The following PDE4B variants were observed in gnomAD, a reference collection of about 807,000 sequenced individuals.
The protein encoded by PDE4B is phosphodiesterase 4B.
PDE4B carries 20 observed loss-of-function variants against 82.2 expected under a neutral mutation model. The observed-to-expected ratio is 0.24, with a 90% CI of 0.17 to 0.35. PDE4B has a LOEUF of 0.35. Ranked by LOEUF, PDE4B falls within the 10% of genes least tolerant of loss-of-function variation. The pLI, the probability that PDE4B is intolerant of heterozygous loss-of-function variation, is 1.00. For synonymous variants in PDE4B, 320 were observed against 318.9 expected (o/e 1.00, Z -0.04); for missense variants, 655 against 907.2 (o/e 0.72, Z 3.57).
chr1:65,918,908 A>G (rs1647192155), intron 3 of PDE4B, 73 bp downstream of exon 3: 1 of 936,950 alleles, frequency 1.1e-6, no homozygotes, highest in African/African-American at 1.6e-5. Flanking sequence ...ATTTCATAGT[A>G]TTAAAATGTG....
intron 1 of PDE4B, among the ~76,000 whole-genome samples, chr1:65,901,935 A>G (rs925414012): frequency 1.3e-5 from 2 of 152,064 alleles, no homozygotes; most frequent in Admixed American, 1.3e-4. Context: ...GTTTAGCACT[A>G]TAAACTTTTA....
At chr1:66,186,227 G>T (rs1238335251) in intron 3 of PDE4B, among the ~76,000 whole-genome samples, 1 of 152,236 alleles carries the variant, frequency 6.6e-6, no homozygotes, top group African/African-American at 2.4e-5. Context: ...ATGCTGTTTT[G>T]GTTACTGTAG....
chr1:65,949,514 A>G (rs1648886310), intron 3 of PDE4B, among the ~76,000 whole-genome samples: 1 of 152,086 alleles, frequency 6.6e-6, no homozygotes, highest in Non-Finnish European at 1.5e-5. Context: ...ACTCCCTAAC[A>G]CAGCTGTATA....
In PDE4B at chr1:66,008,355, T is replaced by C. The variant is rs75482817; in HGVS notation, c.281+89520T>C. Among the ~76,000 whole-genome samples the C allele has an allele frequency of 3.1e-4, 47 of 152,270 alleles. 1 individual carries two copies. In the East Asian group the frequency reaches 6.4e-3, roughly 21 times the overall value. ...TCATTCATTAGCATTGTCAACCACC[T>C]GCTTGATTGTGCCCATTTCCTGCCT... On this transcript the variant is annotated intron_variant, in intron 3 of 16. Coordinates refer to ENST00000341517, the MANE Select transcript of PDE4B (RefSeq NM_002600.4).
intron 3 of PDE4B, among the ~76,000 whole-genome samples, chr1:66,129,337 C>G: frequency 6.6e-6 from 1 of 152,138 alleles, no homozygotes; most frequent in Non-Finnish European, 1.5e-5. Context: ...CTGCCCCTTA[C>G]GAAGTCTGTA....
chr1:66,319,675 T>C (rs1659265757), intron 7 of PDE4B, among the ~76,000 whole-genome samples: 1 of 152,174 alleles, frequency 6.6e-6, no homozygotes, highest in African/African-American at 2.4e-5. Context: ...CCAGAAGACA[T>C]GAAAATTCCC....
At chr1:65,971,108 T>C (rs1281985622) in intron 3 of PDE4B, among the ~76,000 whole-genome samples, 2 of 150,626 alleles carry the variant, frequency 1.3e-5, no homozygotes, top group Non-Finnish European at 3.0e-5. Flanking sequence ...TTCAGGAAAA[T>C]AAGTAATTGT....
intron 1 of PDE4B, among the ~76,000 whole-genome samples, chr1:65,805,750 A>G (rs1457526134): frequency 6.6e-6 from 1 of 152,090 alleles, no homozygotes; most frequent in Non-Finnish European, 1.5e-5. Context: ...GAATTCTAGG[A>G]AGCCATTTTA....
At chr1:65,972,547 G>A (rs999948631) in intron 3 of PDE4B, among the ~76,000 whole-genome samples, 1 of 152,126 alleles carries the variant, frequency 6.6e-6, no homozygotes, top group Non-Finnish European at 1.5e-5. Context: ...AGCTTTCTTT[G>A]ACGGAAAGTA....
rs553991801 is a variant in PDE4B, at chr1:66,361,073, A to T, written c.842-542A>T. 1.8e-4 allele frequency among the ~76,000 whole-genome samples: 28 copies of T among 152,304 alleles called. No individual in the cohort carries two copies. In the South Asian group the frequency reaches 5.6e-3, roughly 30 times the overall value. On this transcript the variant is annotated intron_variant, in intron 9 of 16. Transcript: ENST00000341517. ...ATTATGAACCATTTATATTTCTAAC[A>T]TATATACTGCTTATTTAAACTGAGC...
intron 2 of PDE4B, among the ~76,000 whole-genome samples, chr1:65,916,758 A>C (rs1569668960): frequency 6.6e-6 from 1 of 151,968 alleles, no homozygotes; most frequent in African/African-American, 2.4e-5. Context: ...ACACACACAC[A>C]TGCACACACA....
chr1:66,221,765 GC>G lies in PDE4B; in HGVS notation c.282-25692del, dbSNP rs1651007860. ...AATATTTTCTCCTTTTATCCCTCTG[GC>G]CCTCCCACCCTCTGTCATCACTCCT... On this transcript the variant is annotated intron_variant, in intron 3 of 16. Coordinates refer to ENST00000341517, the MANE Select transcript of PDE4B (RefSeq NM_002600.4). 2.0e-5 allele frequency among the ~76,000 whole-genome samples: 3 copies of G among 152,018 alleles called. No homozygotes were observed. In the South Asian group the frequency reaches 6.3e-4, roughly 32 times the overall value.
At chr1:66,037,854 C>A (rs1654151353) in intron 3 of PDE4B, among the ~76,000 whole-genome samples, 1 of 151,874 alleles carries the variant, frequency 6.6e-6, no homozygotes, top group South Asian at 2.1e-4. Flanking sequence ...GATTATGGAT[C>A]AAAAAATATT....
intron 3 of PDE4B, among the ~76,000 whole-genome samples, chr1:66,196,606 G>A (rs1206840928): frequency 1.3e-5 from 2 of 152,128 alleles, no homozygotes; most frequent in Non-Finnish European, 2.9e-5. Flanking sequence ...GAGAAAGTTT[G>A]TCACAAAAAA....
chr1:65,955,448 A>T (rs1227448434), intron 3 of PDE4B, among the ~76,000 whole-genome samples: 2 of 152,134 alleles, frequency 1.3e-5, no homozygotes, highest in Non-Finnish European at 1.5e-5. Flanking sequence ...ACAACAACAA[A>T]AGCATAGAAA....
chr1:66,182,069 T>C (rs544317083), intron 3 of PDE4B, among the ~76,000 whole-genome samples: 23 of 152,276 alleles, frequency 1.5e-4, no homozygotes, highest in Admixed American at 1.2e-3. Flanking sequence ...CAGTAAATAA[T>C]ATGTTATGCC....
At chr1:66,059,811 AT>A (rs1655490789) in intron 3 of PDE4B, among the ~76,000 whole-genome samples, 1 of 152,110 alleles carries the variant, frequency 6.6e-6, no homozygotes, top group African/African-American at 2.4e-5. Flanking sequence ...GTATCTTAAT[AT>A]TTTCTCATAT....
intron 3 of PDE4B, among the ~76,000 whole-genome samples, chr1:66,189,777 G>T (rs954565091): frequency 6.6e-6 from 1 of 151,938 alleles, no homozygotes; most frequent in Non-Finnish European, 1.5e-5. Context: ...CCATGAGTTC[G>T]AACTTCCTCC....
At chr1:66,303,611 G>A (rs994402247) in intron 7 of PDE4B, among the ~76,000 whole-genome samples, 3 of 152,072 alleles carry the variant, frequency 2.0e-5, no homozygotes, top group Non-Finnish European at 4.4e-5. Flanking sequence ...ACCATTTCCA[G>A]AAGGAGGCTC....
Sources: allele counts gnomAD v4.1 joint callset (sites outside exome capture counted in the v4.1 genomes callset), GRCh38; gene constraint gnomAD v4.1.1; transcripts MANE v1.5; gene names NCBI Gene and HGNC (gene_info 2026-07-23, HGNC 2026-07-21).